ROBO1: variants seen among roughly 807,000 people sequenced by gnomAD.
The protein encoded by ROBO1 is roundabout guidance receptor 1.
ROBO1 carries 149 observed loss-of-function variants against 195.9 expected under a neutral mutation model. The observed-to-expected ratio is 0.76, with a 90% CI of 0.67 to 0.87. The LOEUF is 0.87. Among genes scored for constraint, ROBO1 ranks in the 40% least tolerant of loss-of-function variants. ROBO1 has a pLI of 0.00. For missense variants in ROBO1, 1,933 were observed against 2,068.3 expected, an observed-to-expected ratio of 0.93 and a Z score of 1.27; for synonymous variants, 816 against 733.2, an observed-to-expected ratio of 1.11 and a Z score of -1.82.
chr3:78,915,135 G>T (rs942458646), intron 4 of ROBO1, among the ~76,000 whole-genome samples: 4 of 152,104 alleles, frequency 2.6e-5, no homozygotes, highest in Admixed American at 2.6e-4. Flanking sequence ...TTATGACAAA[G>T]TCAAATTTAG....
At chr3:79,681,774 T>C (rs1204091314) in intron 1 of ROBO1, among the ~76,000 whole-genome samples, 2 of 151,990 alleles carry the variant, frequency 1.3e-5, no homozygotes, top group Non-Finnish European at 2.9e-5. Flanking sequence ...CAAGTAGACT[T>C]TTGTAGGGAT....
In ROBO1 at chr3:78,909,510, C is replaced by T. The variant is rs1421712206; in HGVS notation, c.499+29091G>A. On this transcript the variant is annotated intron_variant, in intron 4 of 30. Transcript: ENST00000464233. ...AAGGAATATACATTAAACTCGATGA[C>T]GTGTTTCAAGCATAACAAGCATCTT... Among the ~76,000 whole-genome samples the T allele has an allele frequency of 3.3e-5, 5 of 151,830 alleles. No individual in the cohort carries two copies. In the South Asian group the frequency reaches 8.3e-4, roughly 25 times the overall value.
chr3:78,916,936 A>G (rs1559997268), intron 4 of ROBO1, among the ~76,000 whole-genome samples: 2 of 152,202 alleles, frequency 1.3e-5, no homozygotes. Context: ...CAACTTTACT[A>G]TGTAAGTGTA....
At chr3:79,099,657 C>T (rs1359502179) in intron 3 of ROBO1, among the ~76,000 whole-genome samples, 1 of 151,718 alleles carries the variant, frequency 6.6e-6, no homozygotes, top group Admixed American at 6.6e-5. Context: ...ATATTTCCAT[C>T]ATTTAAAAAT....
chr3:79,056,000 G>A (rs1293688516), intron 3 of ROBO1, among the ~76,000 whole-genome samples: 7 of 152,096 alleles, frequency 4.6e-5, no homozygotes, highest in Non-Finnish European at 8.8e-5. Context: ...CAGGCAAGTG[G>A]CAGATGGTAA....
chr3:79,040,751 G>T (rs971498639), intron 3 of ROBO1, among the ~76,000 whole-genome samples: 1 of 152,048 alleles, frequency 6.6e-6, no homozygotes, highest in African/African-American at 2.4e-5. Flanking sequence ...CATTCCAGTG[G>T]TTAACTACAA....
intron 4 of ROBO1, among the ~76,000 whole-genome samples, chr3:78,882,144 C>T (rs947504410): frequency 6.6e-6 from 1 of 151,828 alleles, no homozygotes; most frequent in Non-Finnish European, 1.5e-5. Context: ...AATTTAGGAA[C>T]AGTTTTATAT....
chr3:79,262,305 C>T (rs569427075), intron 2 of ROBO1, among the ~76,000 whole-genome samples: 3 of 152,090 alleles, frequency 2.0e-5, no homozygotes, highest in East Asian at 1.9e-4. Context: ...ACTTTCTCAT[C>T]GATTCTCTCT....
intron 2 of ROBO1, among the ~76,000 whole-genome samples, chr3:79,288,001 A>G (rs1490244516): frequency 1.3e-5 from 2 of 152,160 alleles, no homozygotes; most frequent in Non-Finnish European, 2.9e-5. Context: ...GTATTTTTGT[A>G]TAAAAATACA....
chr3:79,222,612 G>C (rs1453132091), intron 2 of ROBO1, among the ~76,000 whole-genome samples: 2 of 150,252 alleles, frequency 1.3e-5, no homozygotes, highest in Non-Finnish European at 3.0e-5. Context: ...TTTGTGGATT[G>C]TAAAAGATCT....
intron 2 of ROBO1, among the ~76,000 whole-genome samples, chr3:79,255,760 A>G (rs2082821889): frequency 6.6e-6 from 1 of 152,118 alleles, no homozygotes; most frequent in Non-Finnish European, 1.5e-5. Flanking sequence ...AATGTCAAAT[A>G]TTAATCATTT....
At chr3:79,272,479 G>C (rs1369402507) in intron 2 of ROBO1, among the ~76,000 whole-genome samples, 2 of 151,984 alleles carry the variant, frequency 1.3e-5, no homozygotes, top group Non-Finnish European at 2.9e-5. Context: ...ACAGCAACTG[G>C]TTTTAACATC....
chr3:78,605,660 CG>C (rs1703423281), intron 29 of ROBO1, among the ~76,000 whole-genome samples: 2 of 152,136 alleles, frequency 1.3e-5, no homozygotes, highest in African/African-American at 4.8e-5. Context: ...TCTAAATTTT[CG>C]TTGGATTTTT....
At chr3:79,314,017 T>C (rs956916409) in intron 2 of ROBO1, among the ~76,000 whole-genome samples, 4 of 152,178 alleles carry the variant, frequency 2.6e-5, no homozygotes, top group Admixed American at 6.5e-5. Flanking sequence ...TCTTTTTTGA[T>C]CTAAAATTAG....
chr3:78,806,805 T>A (rs547529684), intron 4 of ROBO1, among the ~76,000 whole-genome samples: 2 of 152,226 alleles, frequency 1.3e-5, no homozygotes, highest in Non-Finnish European at 2.9e-5. Flanking sequence ...CTTGCTTTTT[T>A]AAATATCTTT....
intron 4 of ROBO1, among the ~76,000 whole-genome samples, chr3:78,864,759 CT>C (rs1423707453): frequency 6.7e-6 from 1 of 150,086 alleles, no homozygotes; most frequent in East Asian, 2.0e-4. Flanking sequence ...TTTTGTAGAA[CT>C]TTTTTTTAAG....
At chr3:78,972,281 T>C (rs2076786284) in intron 3 of ROBO1, among the ~76,000 whole-genome samples, 1 of 152,164 alleles carries the variant, frequency 6.6e-6, no homozygotes, top group South Asian at 2.1e-4. Flanking sequence ...GAAGGTCTAT[T>C]AAACAAACAG....
chr3:79,610,796 C>G (rs1944634077), intron 1 of ROBO1, among the ~76,000 whole-genome samples: 1 of 152,052 alleles, frequency 6.6e-6, no homozygotes, highest in African/African-American at 2.4e-5. Context: ...TAGTTCTTTA[C>G]ATCCAAAGCA....
chr3:79,687,572 C>T (rs1013027943), intron 1 of ROBO1, among the ~76,000 whole-genome samples: 2 of 152,148 alleles, frequency 1.3e-5, no homozygotes, highest in Non-Finnish European at 2.9e-5. Flanking sequence ...TATGACCAGA[C>T]ACTTCTCAAA....
Sources: allele counts gnomAD v4.1 joint callset (sites outside exome capture counted in the v4.1 genomes callset), GRCh38; gene constraint gnomAD v4.1.1; transcripts MANE v1.5; gene names NCBI Gene and HGNC (gene_info 2026-07-23, HGNC 2026-07-21).